The following PTPRK variants were observed in gnomAD, a reference collection of about 807,000 sequenced individuals.
PTPRK encodes receptor-type tyrosine-protein phosphatase kappa.
In PTPRK, 75 loss-of-function variants were observed where a neutral mutation model predicts 178.0. The ratio of observed to expected loss-of-function variants is 0.42; its 90% CI spans 0.35 to 0.51. The LOEUF is 0.51. PTPRK is among the 20% of genes least tolerant of loss of function. The pLI, the probability that PTPRK is intolerant of heterozygous loss-of-function variation, is 0.02. For missense variants in PTPRK, 1,441 were observed against 1,797.8 expected (o/e 0.80, Z 3.59); for synonymous variants, 637 against 620.6 (o/e 1.03, Z -0.39).
intron 10 of PTPRK, among the ~76,000 whole-genome samples, chr6:128,081,092 T>C (rs1784740299): frequency 6.6e-6 from 1 of 152,082 alleles, no homozygotes; most frequent in Non-Finnish European, 1.5e-5. Flanking sequence ...TTAGTTTATA[T>C]AAATTTTGTA....
intron 1 of PTPRK, among the ~76,000 whole-genome samples, chr6:128,450,396 C>T (rs999496876): frequency 6.6e-6 from 1 of 152,122 alleles, no homozygotes; most frequent in East Asian, 1.9e-4. Context: ...TTAAACAAAA[C>T]CACTTGTTCT....
intron 2 of PTPRK, among the ~76,000 whole-genome samples, chr6:128,358,636 T>A (rs1451133820): frequency 1.3e-5 from 2 of 152,232 alleles, no homozygotes; most frequent in Admixed American, 1.3e-4. Flanking sequence ...AATAATGCAG[T>A]GCCATCTTCA....
At chr6:128,096,584 A>G (rs1235230594) in intron 7 of PTPRK, among the ~76,000 whole-genome samples, 1 of 152,190 alleles carries the variant, frequency 6.6e-6, no homozygotes, top group Non-Finnish European at 1.5e-5. Flanking sequence ...GCTGTCAGTC[A>G]GAGAAAAATA....
chr6:128,463,085 T>C (rs1849290889), intron 1 of PTPRK, among the ~76,000 whole-genome samples: 1 of 152,068 alleles, frequency 6.6e-6, no homozygotes, highest in African/African-American at 2.4e-5. Flanking sequence ...AAGGGGACTA[T>C]AAAAAAGGAA....
At chr6:128,179,065 A>T (rs1801522822) in intron 7 of PTPRK, among the ~76,000 whole-genome samples, 1 of 151,968 alleles carries the variant, frequency 6.6e-6, no homozygotes, top group Non-Finnish European at 1.5e-5. Context: ...TTAGCCAGTG[A>T]TCCACCTGAA....
chr6:128,207,105 G>A (rs917416465), intron 6 of PTPRK, among the ~76,000 whole-genome samples: 6 of 152,088 alleles, frequency 3.9e-5, no homozygotes, highest in Non-Finnish European at 5.9e-5. Context: ...TGGTGTGCTC[G>A]GGCTCAAGGT....
At chr6:128,077,252 T>C (rs145409786) in intron 11 of PTPRK, among the ~76,000 whole-genome samples, 17 of 152,100 alleles carry the variant, frequency 1.1e-4, no homozygotes, top group African/African-American at 4.1e-4. Flanking sequence ...CATTTTCTCT[T>C]TCTACTTTGG....
At chr6:128,064,936 A>C (rs895103999) in intron 12 of PTPRK, 142 bp from the exon 13 acceptor site, 12 of 1,001,738 alleles carry the variant, frequency 1.2e-5, no homozygotes, top group Middle Eastern at 3.4e-4. Flanking sequence ...AGAAAACTTT[A>C]AAAAATATGC....
intron 3 of PTPRK, among the ~76,000 whole-genome samples, chr6:128,290,457 A>G: frequency 6.6e-6 from 1 of 152,102 alleles, no homozygotes; most frequent in Non-Finnish European, 1.5e-5. Context: ...TGACTTGTTA[A>G]AAATGCAAAT....
chr6:128,299,711 A>C (rs950828201), intron 3 of PTPRK, among the ~76,000 whole-genome samples: 3 of 152,192 alleles, frequency 2.0e-5, no homozygotes, highest in African/African-American at 7.2e-5. Context: ...CACCTTATAC[A>C]AACATTAATT....
intron 7 of PTPRK, among the ~76,000 whole-genome samples, chr6:128,146,035 T>C (rs555947015): frequency 1.6e-4 from 25 of 152,250 alleles, no homozygotes; most frequent in African/African-American, 6.0e-4. Flanking sequence ...TACATCTGGG[T>C]CAGGTGTAGT....
chr6:128,477,221 G>C (rs893933514), intron 1 of PTPRK, among the ~76,000 whole-genome samples: 3 of 152,030 alleles, frequency 2.0e-5, no homozygotes, highest in African/African-American at 4.8e-5. Flanking sequence ...TTAGTAACTA[G>C]CAGATGTATT....
chr6:128,256,819 A>C (rs1298769640), intron 3 of PTPRK, among the ~76,000 whole-genome samples: 1 of 152,202 alleles, frequency 6.6e-6, no homozygotes, highest in Non-Finnish European at 1.5e-5. Context: ...CACTGCAAAA[A>C]AAGAGGGCGT....
intron 7 of PTPRK, among the ~76,000 whole-genome samples, chr6:128,113,013 C>T (rs1338243835): frequency 6.6e-6 from 1 of 152,088 alleles, no homozygotes; most frequent in African/African-American, 2.4e-5. Flanking sequence ...CTTCCATACA[C>T]TTACATCAAA....
intron 13 of PTPRK, among the ~76,000 whole-genome samples, chr6:128,032,195 A>G (rs923656760): frequency 1.3e-5 from 2 of 152,154 alleles, no homozygotes; most frequent in South Asian, 2.1e-4. Flanking sequence ...TCACCTTCAG[A>G]TGCCCTTTGA....
chr6:128,211,724 C>T (rs1808218052), intron 6 of PTPRK, among the ~76,000 whole-genome samples: 1 of 152,022 alleles, frequency 6.6e-6, no homozygotes, highest in Admixed American at 6.6e-5. Flanking sequence ...ATAATTTATG[C>T]TAACTGCAAG....
At chr6:128,091,932 T>G (rs918370026) in intron 7 of PTPRK, among the ~76,000 whole-genome samples, 3 of 152,188 alleles carry the variant, frequency 2.0e-5, no homozygotes, top group African/African-American at 4.8e-5. Context: ...GCATCCTCAA[T>G]TCTTACATAT....
chr6:128,297,082 C>T (rs1487934555), intron 3 of PTPRK, among the ~76,000 whole-genome samples: 1 of 151,094 alleles, frequency 6.6e-6, no homozygotes, highest in East Asian at 1.9e-4. Flanking sequence ...ATCCTAGTCT[C>T]GGATAAAACA....
intron 3 of PTPRK, among the ~76,000 whole-genome samples, chr6:128,297,693 G>A (rs1332471935): frequency 4.6e-5 from 7 of 151,992 alleles, no homozygotes; most frequent in Non-Finnish European, 7.4e-5. Context: ...CAAAGACACA[G>A]CATACCAGAA....
Sources: gnomAD v4.1 joint callset for allele counts (sites outside exome capture counted in the v4.1 genomes callset) on GRCh38, gnomAD v4.1.1 for gene constraint, MANE v1.5 for transcripts, NCBI Gene and HGNC (gene_info 2026-07-23, HGNC 2026-07-21) for gene names.